Variants in FLRT1 observed in about 807,000 individuals in gnomAD.
FLRT1 encodes the protein fibronectin leucine rich transmembrane protein 1.
Under a neutral mutation model 30.9 loss-of-function variants are expected in FLRT1, and 14 were observed. That is an observed-to-expected ratio of 0.45 (90% CI 0.30 to 0.71). FLRT1 has a LOEUF of 0.71. Among genes scored for constraint, FLRT1 ranks in the 30% least tolerant of loss-of-function variants. The pLI is 0.08. For missense variants in FLRT1, 737 were observed against 949.2 expected (o/e 0.78, Z 2.94); for synonymous variants, 368 against 430.4 (o/e 0.85, Z 1.80).
chr11:64,075,655 G>A (rs965937282), intron 1 of FLRT1, among the ~76,000 whole-genome samples: 2 of 152,236 alleles, frequency 1.3e-5, no homozygotes, highest in Admixed American at 6.5e-5. Context: ...GGGGGACCCC[G>A]AATCTGGCCC....
At chr11:64,065,648 G>A (rs1044593094) in intron 1 of FLRT1, among the ~76,000 whole-genome samples, 1 of 152,110 alleles carries the variant, frequency 6.6e-6, no homozygotes, top group African/African-American at 2.4e-5. Flanking sequence ...AAATTAGCCA[G>A]GCATGGTGGC....
intron 2 of FLRT1, among the ~76,000 whole-genome samples, chr11:64,110,581 C>T (rs1214991726): frequency 6.6e-6 from 1 of 152,030 alleles, no homozygotes; most frequent in Non-Finnish European, 1.5e-5. Flanking sequence ...AAGAATAATG[C>T]CCCAGGGCCC....
chr11:64,059,170 A>AC (rs1052971629), intron 1 of FLRT1, among the ~76,000 whole-genome samples: 3 of 152,028 alleles, frequency 2.0e-5, no homozygotes, highest in Non-Finnish European at 4.4e-5. Flanking sequence ...CAGAGGACAG[A>AC]CTTGGGGAGC....
intron 1 of FLRT1, among the ~76,000 whole-genome samples, chr11:64,059,027 T>C (rs1943846577): frequency 6.6e-6 from 1 of 152,154 alleles, no homozygotes; most frequent in Non-Finnish European, 1.5e-5. Context: ...GAGGAGTGCC[T>C]GATGCTCTTT....
intron 1 of FLRT1, among the ~76,000 whole-genome samples, chr11:64,068,588 T>C (rs1408002286): frequency 2.0e-5 from 3 of 152,246 alleles, no homozygotes; most frequent in African/African-American, 7.2e-5. Flanking sequence ...GATTGGCAGA[T>C]AAACTGAAGC....
In FLRT1 at chr11:64,117,471, G is replaced by T; in HGVS notation, c.1204G>T (p.Ala402Ser). The T allele has an allele frequency of 6.2e-7, 1 of 1,612,824 alleles. No individual in the cohort carries two copies. The change falls in exon 3 of 3, where the codon GCC becomes TCC. Residue 402 changes from alanine (A) to serine (S), a missense_variant. By Grantham distance (99) the Ala-to-Ser change is moderately conservative. Coordinates refer to ENST00000682287, the MANE Select transcript of FLRT1 (RefSeq NM_013280.5). ...AKTTASNHAS[A>S]TTPQGSLFTL... ...GACCACGGCCAGCAACCACGCCTCTGCCACCACGCCCCAGGGTTCCCTGTT... is the reference window on the plus strand; with the variant it reads ...GACCACGGCCAGCAACCACGCCTCTTCCACCACGCCCCAGGGTTCCCTGTT...
chr11:64,061,903 C>T (rs2875721), intron 1 of FLRT1, among the ~76,000 whole-genome samples: 7 of 120,974 alleles, frequency 5.8e-5, no homozygotes, highest in African/African-American at 1.1e-4. Flanking sequence ...TTTGTAGAGA[C>T]GGAGTCTTGC....
At chr11:64,110,163 C>T (rs1174344600) in intron 2 of FLRT1, among the ~76,000 whole-genome samples, 1 of 152,106 alleles carries the variant, frequency 6.6e-6, no homozygotes, top group Non-Finnish European at 1.5e-5. Context: ...AATAACACAG[C>T]CTGAGGCCCG....
chr11:64,054,199 G>A (rs1384883418), intron 1 of FLRT1, among the ~76,000 whole-genome samples: 1 of 152,184 alleles, frequency 6.6e-6, no homozygotes, highest in Non-Finnish European at 1.5e-5. Context: ...ACCTCCCTGG[G>A]GACGTCTTTA....
intron 1 of FLRT1, among the ~76,000 whole-genome samples, chr11:64,050,053 G>A (rs1368451023): frequency 6.6e-6 from 1 of 152,128 alleles, no homozygotes; most frequent in African/African-American, 2.4e-5. Context: ...TGATGATGAG[G>A]GTGATGGCCT....
At chr11:64,039,092 C>T (rs943499393) in intron 1 of FLRT1, among the ~76,000 whole-genome samples, 6 of 152,290 alleles carry the variant, frequency 3.9e-5, no homozygotes, top group African/African-American at 1.4e-4. Flanking sequence ...TCATCCCCTG[C>T]AGGCAGGGGC....
intron 2 of FLRT1, among the ~76,000 whole-genome samples, chr11:64,107,534 C>T (rs540430478): frequency 2.0e-5 from 3 of 146,656 alleles, no homozygotes; most frequent in Admixed American, 6.9e-5. Context: ...AGTGGATTTG[C>T]ATACCTGTCT....
intron 2 of FLRT1, 114 bp from the exon 3 acceptor site, chr11:64,116,105 C>T (rs1051806331): frequency 2.3e-5 from 26 of 1,115,534 alleles, no homozygotes; most frequent in African/African-American, 1.1e-4. Flanking sequence ...CCCGCAGGAC[C>T]GGACTTCGGT....
chr11:64,065,913 C>T (rs1234236323), intron 1 of FLRT1, among the ~76,000 whole-genome samples: 3 of 151,926 alleles, frequency 2.0e-5, no homozygotes, highest in Non-Finnish European at 2.9e-5. Context: ...GAGAAGAGCA[C>T]AACTAATCCT....
intron 1 of FLRT1, among the ~76,000 whole-genome samples, chr11:64,059,254 G>A (rs1159129146): frequency 1.3e-5 from 2 of 152,204 alleles, no homozygotes; most frequent in African/African-American, 2.4e-5. Context: ...GGAAAGGGGA[G>A]AAGCAGGTGA....
At position 64,082,332 on chromosome 11, in the gene FLRT1, G is replaced by A. The variant is rs936961955; in HGVS notation, c.-1037-20862G>A. 6.6e-6 allele frequency among the ~76,000 whole-genome samples: 1 copy of A among 152,038 alleles called. No individual in the cohort carries two copies. Among genetic ancestry groups the A allele is most frequent in the African/African-American group, 2.4e-5 (1 of 41,406 alleles). ...AGAGACGCTGGGTGGAGGATGATCC[G>A]GGGGGACCGTGGAAGGCAGGACGGG... On this transcript the variant is annotated intron_variant, in intron 1 of 2. Coordinates refer to ENST00000682287, the MANE Select transcript of FLRT1 (RefSeq NM_013280.5). This position sits in a 1 kb window ranked among gnomAD's most constrained non-coding sequence, Gnocchi z 4.5.
At chr11:64,069,901 C>T (rs1944075621) in intron 1 of FLRT1, among the ~76,000 whole-genome samples, 1 of 152,158 alleles carries the variant, frequency 6.6e-6, no homozygotes, top group Admixed American at 6.5e-5. Flanking sequence ...GCGCCCCTCC[C>T]AGACCTCAAC....
intron 1 of FLRT1, among the ~76,000 whole-genome samples, chr11:64,069,635 C>T (rs1944069350): frequency 6.6e-6 from 1 of 152,038 alleles, no homozygotes; most frequent in African/African-American, 2.4e-5. Context: ...GTGGCCTGAC[C>T]CCATCCTGGG....
At position 64,039,013 on chromosome 11, in the gene FLRT1, C is replaced by T. The variant is rs111405569; in HGVS notation, c.-1038+2854C>T. On this transcript the variant is annotated intron_variant, in intron 1 of 2. Coordinates refer to ENST00000682287, the MANE Select transcript of FLRT1 (RefSeq NM_013280.5). ...GGGCCCTTGCCTAGTCTACACCCCTCGTTCACTGTGGGCCAAGGGCTTTCA... is the reference window on the plus strand; with the variant it reads ...GGGCCCTTGCCTAGTCTACACCCCTTGTTCACTGTGGGCCAAGGGCTTTCA... 1.1e-3 allele frequency among the ~76,000 whole-genome samples: 171 copies of T among 152,272 alleles called. 1 individual carries two copies. The highest frequency in any genetic ancestry group is 3.8e-3 in the African/African-American group (159 of 41,546).
Sources: gnomAD v4.1 joint callset for allele counts (sites outside exome capture counted in the v4.1 genomes callset) on GRCh38, gnomAD v4.1.1 for gene constraint, Gnocchi (gnomAD v3.1) non-coding constraint, MANE v1.5 for transcripts, NCBI Gene and HGNC (gene_info 2026-07-23, HGNC 2026-07-21) for gene names.